The following LRMDA variants were observed in gnomAD, a reference collection of about 807,000 sequenced individuals.
The protein encoded by LRMDA is leucine rich melanocyte differentiation associated.
Under a neutral mutation model 29.8 loss-of-function variants are expected in LRMDA, and 18 were observed. The ratio of observed to expected loss-of-function variants is 0.60; its 90% CI spans 0.42 to 0.90. The LOEUF is 0.90. LRMDA is among the 40% of genes least tolerant of loss of function. The pLI, the probability that LRMDA is intolerant of heterozygous loss-of-function variation, is 0.00. For synonymous variants in LRMDA, 125 were observed against 109.4 expected, an observed-to-expected ratio of 1.14 and a Z score of -0.89; for missense variants, 273 against 273.9, an observed-to-expected ratio of 1.00 and a Z score of 0.02.
At chr10:75,978,886 A>G (rs951016141) in intron 2 of LRMDA, among the ~76,000 whole-genome samples, 1 of 152,210 alleles carries the variant, frequency 6.6e-6, no homozygotes, top group Non-Finnish European at 1.5e-5. Flanking sequence ...TGTTTAAAAA[A>G]TTAAGTAAAT....
At chr10:75,947,439 C>T (rs1372626517) in intron 2 of LRMDA, among the ~76,000 whole-genome samples, 2 of 152,168 alleles carry the variant, frequency 1.3e-5, no homozygotes, top group African/African-American at 4.8e-5. Flanking sequence ...GACAGCAGTG[C>T]TCCCATTGCT....
chr10:76,374,683 T>C (rs1024392094), intron 6 of LRMDA, among the ~76,000 whole-genome samples: 3 of 152,220 alleles, frequency 2.0e-5, no homozygotes, highest in Non-Finnish European at 4.4e-5. Context: ...ATTAAAATTA[T>C]ATTTCCTGAT....
intron 6 of LRMDA, among the ~76,000 whole-genome samples, chr10:76,526,314 G>A (rs2132367720): frequency 6.6e-6 from 1 of 152,246 alleles, no homozygotes; most frequent in South Asian, 2.1e-4. Flanking sequence ...AGGCACCCAG[G>A]TCCTTTCTGT....
chr10:75,554,064 T>A (rs771782283), intron 2 of LRMDA, among the ~76,000 whole-genome samples: 21 of 152,232 alleles, frequency 1.4e-4, no homozygotes, highest in Non-Finnish European at 2.8e-4. Flanking sequence ...GTGTGTTCTA[T>A]CTGTTCTTGG....
intron 2 of LRMDA, among the ~76,000 whole-genome samples, chr10:75,836,879 C>G (rs1415903133): frequency 1.3e-5 from 2 of 152,128 alleles, no homozygotes; most frequent in African/African-American, 4.8e-5. Context: ...CATGCTTTCT[C>G]TCAGGTGCAT....
chr10:76,330,635 A>T (rs1840893293), intron 6 of LRMDA, among the ~76,000 whole-genome samples: 1 of 152,152 alleles, frequency 6.6e-6, no homozygotes, highest in Non-Finnish European at 1.5e-5. Flanking sequence ...GGAGCAGGTA[A>T]GAGAAGGCCA....
chr10:76,082,698 C>T (rs150998641), intron 5 of LRMDA, among the ~76,000 whole-genome samples: 89 of 152,216 alleles, frequency 5.8e-4, no homozygotes, highest in Non-Finnish European at 9.9e-4. Flanking sequence ...TAATGGCAAA[C>T]GTTAGTGGGA....
chr10:75,717,231 G>T (rs1169024344), intron 2 of LRMDA, among the ~76,000 whole-genome samples: 1 of 152,194 alleles, frequency 6.6e-6, no homozygotes, highest in African/African-American at 2.4e-5. Flanking sequence ...CCAGGGGCAC[G>T]TTGAGAAGAT....
At position 75,853,017 on chromosome 10, in the gene LRMDA, C is replaced by T. The variant is rs529080507; in HGVS notation, c.132-182991C>T. ...AATGCTGAGCAAAGGGGGAAAAGCC[C>T]CTTATAAAACCATCAGATCTCATGA... On this transcript the variant is annotated intron_variant, in intron 2 of 6. Coordinates refer to ENST00000611255, the MANE Select transcript of LRMDA (RefSeq NM_001305581.2). Among the ~76,000 whole-genome samples the T allele has an allele frequency of 4.6e-5, 7 of 151,966 alleles. No homozygotes were observed. The South Asian group carries it at 1.0e-3, about 23-fold the overall frequency.
intron 2 of LRMDA, among the ~76,000 whole-genome samples, chr10:75,729,833 G>A (rs1309878058): frequency 6.6e-6 from 1 of 152,166 alleles, no homozygotes; most frequent in Non-Finnish European, 1.5e-5. Context: ...GTCTCACTTA[G>A]TCACTCAAGG....
chr10:75,581,471 G>A (rs1380709263), intron 2 of LRMDA, among the ~76,000 whole-genome samples: 3 of 152,176 alleles, frequency 2.0e-5, no homozygotes, highest in African/African-American at 7.2e-5. Flanking sequence ...GTTGGTGGAA[G>A]TGTAAATTAG....
chr10:76,218,239 A>G (rs1413550724), intron 5 of LRMDA, among the ~76,000 whole-genome samples: 1 of 152,176 alleles, frequency 6.6e-6, no homozygotes, highest in Non-Finnish European at 1.5e-5. Context: ...CTTGTAATGG[A>G]GTGGAAAATT....
intron 2 of LRMDA, among the ~76,000 whole-genome samples, chr10:75,447,375 A>C (rs1211699957): frequency 6.6e-6 from 1 of 151,932 alleles, no homozygotes; most frequent in Non-Finnish European, 1.5e-5. Flanking sequence ...AAAACACAAA[A>C]ATTAGCAGGG....
At chr10:75,587,952 T>C (rs3012036) in intron 2 of LRMDA, among the ~76,000 whole-genome samples, 92,034 of 152,146 alleles carry the variant, frequency 0.6, 31,186 homozygotes, top group East Asian at 0.85. Context: ...GTTTCTTGTA[T>C]AACCCCTAAA....
chr10:76,331,705 G>T (rs555410196), intron 6 of LRMDA, among the ~76,000 whole-genome samples: 1 of 152,012 alleles, frequency 6.6e-6, no homozygotes, highest in Non-Finnish European at 1.5e-5. Context: ...TTGGTTCCTC[G>T]TGCAGAACTA....
At chr10:76,527,398 T>G (rs1342219036) in intron 6 of LRMDA, among the ~76,000 whole-genome samples, 1 of 152,178 alleles carries the variant, frequency 6.6e-6, no homozygotes, top group Non-Finnish European at 1.5e-5. Flanking sequence ...CAGTGTAATC[T>G]CATGCAAATT....
intron 5 of LRMDA, among the ~76,000 whole-genome samples, chr10:76,242,599 A>G (rs1368584445): frequency 6.6e-6 from 1 of 152,120 alleles, no homozygotes; most frequent in African/African-American, 2.4e-5. Context: ...TCTCCTCTCT[A>G]CATGTTCACA....
intron 2 of LRMDA, chr10:75,783,119 TG>T: frequency 7.1e-7 from 1 of 1,409,228 alleles, no homozygotes; most frequent in Admixed American, 1.8e-5. Flanking sequence ...GGGTAGGACT[TG>T]ATGAGCGAGA....
intron 6 of LRMDA, among the ~76,000 whole-genome samples, chr10:76,443,936 T>C (rs908443925): frequency 2.0e-5 from 3 of 152,110 alleles, no homozygotes; most frequent in African/African-American, 7.2e-5. Flanking sequence ...CCTGGTAAGG[T>C]TGGGTGTATG....
Sources: gnomAD v4.1 joint callset for allele counts (sites outside exome capture counted in the v4.1 genomes callset) on GRCh38, gnomAD v4.1.1 for gene constraint, MANE v1.5 for transcripts, NCBI Gene and HGNC (gene_info 2026-07-23, HGNC 2026-07-21) for gene names.